The following TAOK1 variants were observed in gnomAD, a reference collection of about 807,000 sequenced individuals.
TAOK1 encodes the protein serine/threonine-protein kinase TAO1.
Under a neutral mutation model 138.3 loss-of-function variants are expected in TAOK1, and 21 were observed. That is an observed-to-expected ratio of 0.15 (90% CI 0.11 to 0.22). The LOEUF (loss-of-function observed/expected upper bound fraction) is 0.22. TAOK1 is among the 10% of genes least tolerant of loss of function. The pLI, the probability that TAOK1 is intolerant of heterozygous loss-of-function variation, is 1.00. For missense variants in TAOK1, 651 were observed against 1,227.7 expected (o/e 0.53, Z 7.02); for synonymous variants, 361 against 398.4 (o/e 0.91, Z 1.12).
chr17:29,395,668 T>G (rs1327903337), intron 1 of TAOK1, among the ~76,000 whole-genome samples: 5 of 120,626 alleles, frequency 4.1e-5, no homozygotes, highest in Non-Finnish European at 8.5e-5. Flanking sequence ...TTTTTTTTTT[T>G]GAATTTGAGA....
chr17:29,524,815 G>T (rs2031980953), intron 17 of TAOK1, among the ~76,000 whole-genome samples: 2 of 152,118 alleles, frequency 1.3e-5, no homozygotes, highest in Non-Finnish European at 2.9e-5. Flanking sequence ...GGATTTGTGG[G>T]GGTGGGGTGC....
Position 29,534,096 on chromosome 17 carries a change from TCTCTC to T in TAOK1, c.2362-21_2362-17del. On this transcript the variant is annotated splice_polypyrimidine_tract_variant and intron_variant, in intron 18 of 19. Coordinates refer to ENST00000261716, the MANE Select transcript of TAOK1 (RefSeq NM_020791.4). ...AACATTAGGATATATCTTTTTTTTTTCTCTCTCTCTCTCTGTCTCAGCTGCGTTTG... is the reference window on the plus strand; with the variant it reads ...AACATTAGGATATATCTTTTTTTTTTTCTCTCTCTGTCTCAGCTGCGTTTG... The T allele has an allele frequency of 2.6e-6, 2 of 775,848 alleles. No homozygotes were observed. The highest frequency in any genetic ancestry group is 3.4e-6 in the Non-Finnish European group (2 of 581,052). 48.1% of individuals were successfully genotyped at this position (775,848 alleles called of 1,614,324 possible).
intron 3 of TAOK1, among the ~76,000 whole-genome samples, chr17:29,470,497 G>A (rs2030787902): frequency 6.6e-6 from 1 of 151,482 alleles, no homozygotes; most frequent in African/African-American, 2.4e-5. Context: ...CACAACAGGT[G>A]AACTTTATGG....
At chr17:29,428,888 C>T (rs997632056) in intron 1 of TAOK1, among the ~76,000 whole-genome samples, 15 of 151,958 alleles carry the variant, frequency 9.9e-5, no homozygotes, top group Admixed American at 6.6e-5. Context: ...TGCCCTCGAC[C>T]TCCCAGAGTG....
chr17:29,430,879 G>C (rs1035216393), intron 1 of TAOK1, among the ~76,000 whole-genome samples: 3 of 152,118 alleles, frequency 2.0e-5, no homozygotes, highest in African/African-American at 7.2e-5. Context: ...GTAGCTTTTT[G>C]ATGGCCAGGG....
chr17:29,549,913 T>A lies in TAOK1; in HGVS notation c.*6891T>A, dbSNP rs1040591034. On this transcript the variant is annotated 3_prime_UTR_variant, in exon 20 of 20. Transcript: ENST00000261716. Reference sequence around the variant, plus strand: ...TTCCACATTAAATGGGAATTGTGCCTACTTAGGAGTGCCCCTCCAATTAAT... The same window carrying A: ...TTCCACATTAAATGGGAATTGTGCCAACTTAGGAGTGCCCCTCCAATTAAT... 3.3e-5 allele frequency: 5 copies of A among 152,108 alleles called. No homozygotes were observed. In the East Asian group the frequency reaches 9.6e-4, roughly 29 times the overall value. 9.4% of individuals were successfully genotyped at this position (152,108 alleles called of 1,614,324 possible). A position where few individuals can be genotyped will look rare whatever the true frequency, so the allele number is the denominator to read the frequency against.
intron 8 of TAOK1, among the ~76,000 whole-genome samples, chr17:29,488,837 A>T (rs2031235638): frequency 1.3e-5 from 2 of 152,154 alleles, no homozygotes; most frequent in Non-Finnish European, 2.9e-5. Context: ...CAAAGCAGAG[A>T]TCAGTTGAAT....
chr17:29,410,057 T>G (rs1396462603), intron 1 of TAOK1, among the ~76,000 whole-genome samples: 1 of 152,206 alleles, frequency 6.6e-6, no homozygotes, highest in East Asian at 1.9e-4. Flanking sequence ...GTTTTTGTTC[T>G]GTTATGTATT....
Position 29,416,519 on chromosome 17 carries a change from A to G in TAOK1, c.-95+25495A>G, listed in dbSNP as rs879359407. Among the ~76,000 whole-genome samples the G allele has an allele frequency of 7.9e-5, 12 of 152,162 alleles. No homozygotes were observed. In the South Asian group the frequency reaches 8.3e-4, roughly 11 times the overall value. ...AGGGGCAGTTATACATTGGAAATGT[A>G]TACAACAAATTAAATATTACATTAT... On this transcript the variant is annotated intron_variant, in intron 1 of 19. Transcript: ENST00000261716.
intron 14 of TAOK1, among the ~76,000 whole-genome samples, chr17:29,509,313 G>T (rs1448708218): frequency 6.6e-6 from 1 of 151,918 alleles, no homozygotes; most frequent in Non-Finnish European, 1.5e-5. Context: ...GAGACTACAG[G>T]TGCATCTACC....
intron 1 of TAOK1, among the ~76,000 whole-genome samples, chr17:29,449,688 A>C (rs1307334506): frequency 2.0e-5 from 3 of 152,122 alleles, no homozygotes; most frequent in Non-Finnish European, 2.9e-5. Flanking sequence ...TAAAAATACA[A>C]AAATTAGCCG....
intron 1 of TAOK1, among the ~76,000 whole-genome samples, chr17:29,448,091 GT>G (rs902145874): frequency 7.1e-6 from 1 of 141,380 alleles, no homozygotes; most frequent in Non-Finnish European, 1.5e-5. Context: ...TGTCAAATAT[GT>G]TTTTTTCTTA....
intron 1 of TAOK1, among the ~76,000 whole-genome samples, chr17:29,433,118 T>A (rs1905903720): frequency 6.6e-6 from 1 of 152,162 alleles, no homozygotes; most frequent in Middle Eastern, 3.4e-3. Flanking sequence ...TAAGTAGAGT[T>A]TGAGTCTCAG....
intron 1 of TAOK1, among the ~76,000 whole-genome samples, chr17:29,424,436 C>CAAAAAAAAAAA (rs781589064): frequency 4.2e-5 from 3 of 71,992 alleles, no homozygotes; most frequent in East Asian, 4.1e-4. Flanking sequence ...GACTCCCTCT[C>CAAAAAAAAAAA]AAAAAAAAAA....
chr17:29,399,151 AT>A (rs1185262785), intron 1 of TAOK1, among the ~76,000 whole-genome samples: 2 of 151,200 alleles, frequency 1.3e-5, no homozygotes, highest in African/African-American at 4.9e-5. Context: ...TGCCTGGCTA[AT>A]TTTTGTATTT....
chr17:29,512,684 CTT>C (rs34741008), intron 15 of TAOK1: 134 of 135,908 alleles, frequency 9.9e-4, no homozygotes, highest in Non-Finnish European at 1.1e-3. Context: ...CAGCTGACAA[CTT>C]TTTTTTTTTT....
intron 2 of TAOK1, among the ~76,000 whole-genome samples, chr17:29,453,975 A>AT (rs2030311329): frequency 7.0e-6 from 1 of 141,986 alleles, no homozygotes; most frequent in African/African-American, 2.6e-5. Context: ...GGCCCAGCTA[A>AT]TTTTTTTGCT....
chr17:29,422,893 C>T (rs1387396663), intron 1 of TAOK1, among the ~76,000 whole-genome samples: 1 of 151,988 alleles, frequency 6.6e-6, no homozygotes, highest in African/African-American at 2.4e-5. Context: ...GGCGTGGTGG[C>T]AGGTGCCTGT....
intron 1 of TAOK1, among the ~76,000 whole-genome samples, chr17:29,397,712 T>TATTCATGTATG (rs1904694052): frequency 4.6e-5 from 3 of 65,802 alleles, no homozygotes; most frequent in Non-Finnish European, 8.6e-5. Flanking sequence ...CATACATGAA[T>TATTCATGTATG]ATACATGTAT....
Sources: gnomAD v4.1 joint callset for allele counts (sites outside exome capture counted in the v4.1 genomes callset) on GRCh38, gnomAD v4.1.1 for gene constraint, MANE v1.5 for transcripts, NCBI Gene and HGNC (gene_info 2026-07-23, HGNC 2026-07-21) for gene names.